DLGAP2: variants seen among roughly 807,000 people sequenced by gnomAD.
DLGAP2 encodes the protein DLG associated protein 2.
A neutral mutation model predicts 100.3 loss-of-function variants in DLGAP2; 26 were observed. The ratio of observed to expected loss-of-function variants is 0.26; its 90% CI spans 0.19 to 0.36. The LOEUF (loss-of-function observed/expected upper bound fraction) is 0.36. Ranked by LOEUF, DLGAP2 falls within the 10% of genes least tolerant of loss-of-function variation. The pLI is 1.00. For synonymous variants in DLGAP2, 886 were observed against 630.1 expected (o/e 1.41, Z -6.08); for missense variants, 1,858 against 1,453.2 (o/e 1.28, Z -4.53).
intron 3 of DLGAP2, among the ~76,000 whole-genome samples, chr8:1,386,288 C>T (rs1312123073): frequency 1.3e-5 from 2 of 152,090 alleles, no homozygotes; most frequent in South Asian, 2.1e-4. Context: ...GACCCAAAGT[C>T]GGTGAGATTA....
intron 2 of DLGAP2, among the ~76,000 whole-genome samples, chr8:1,116,463 T>G (rs62486823): frequency 0.033 from 4,960 of 152,306 alleles, 151 homozygotes; most frequent in Non-Finnish European, 0.045. Context: ...TTTCTTTATC[T>G]GTAAAGTGGG....
chr8:1,261,808 G>A (rs534816240), intron 3 of DLGAP2, among the ~76,000 whole-genome samples: 56 of 152,324 alleles, frequency 3.7e-4, no homozygotes, highest in African/African-American at 1.3e-3. Flanking sequence ...CTGGCTGGGC[G>A]CAGAGAGTGG....
intron 2 of DLGAP2, among the ~76,000 whole-genome samples, chr8:953,709 C>T (rs1048222672): frequency 4.6e-5 from 7 of 152,004 alleles, no homozygotes; most frequent in South Asian, 2.1e-4. Flanking sequence ...GTGGAGCTGA[C>T]GCTGTCACAG....
At chr8:822,025 T>TC in intron 1 of DLGAP2, 1 of 398,124 alleles carries the variant, frequency 2.5e-6, no homozygotes, top group East Asian at 3.6e-5. Context: ...TCCATTTTTT[T>TC]CCCCATAGGG....
At chr8:1,512,815 A>G (rs1326338835) in intron 4 of DLGAP2, among the ~76,000 whole-genome samples, 1 of 152,238 alleles carries the variant, frequency 6.6e-6, no homozygotes, top group African/African-American at 2.4e-5. Context: ...CATTTTCTAA[A>G]GACAGGTCAC....
At chr8:1,053,232 G>A (rs1802774035) in intron 2 of DLGAP2, among the ~76,000 whole-genome samples, 1 of 152,160 alleles carries the variant, frequency 6.6e-6, no homozygotes, top group Admixed American at 6.5e-5. Context: ...TCTCTCTCCT[G>A]GTGACTGGCC....
At chr8:1,665,799 T>C (rs1023305766) in intron 8 of DLGAP2, among the ~76,000 whole-genome samples, 2 of 152,196 alleles carry the variant, frequency 1.3e-5, no homozygotes, top group African/African-American at 2.4e-5. Context: ...TGATAAAGAT[T>C]CTGTTTTCTG....
intron 2 of DLGAP2, among the ~76,000 whole-genome samples, chr8:1,038,062 G>A (rs1170121120): frequency 1.3e-5 from 2 of 152,236 alleles, no homozygotes; most frequent in South Asian, 2.1e-4. Flanking sequence ...CCCCTTTGTC[G>A]TTGGTGTCCT....
intron 2 of DLGAP2, among the ~76,000 whole-genome samples, chr8:993,640 G>A (rs78935415): frequency 0.013 from 2,029 of 151,232 alleles, 41 homozygotes; most frequent in African/African-American, 0.047. Context: ...TGTATCAAGC[G>A]TCTCCTTCAT....
intron 2 of DLGAP2, among the ~76,000 whole-genome samples, chr8:989,844 C>G (rs548659448): frequency 2.5e-4 from 38 of 152,270 alleles, no homozygotes; most frequent in Non-Finnish European, 5.0e-4. Flanking sequence ...GAGGAAGTCT[C>G]TCATGACACC....
At chr8:1,229,855 CA>C (rs1234766864) in intron 2 of DLGAP2, among the ~76,000 whole-genome samples, 1 of 152,104 alleles carries the variant, frequency 6.6e-6, no homozygotes, top group Non-Finnish European at 1.5e-5. Context: ...AACTAGGCAT[CA>C]AAGGAACATA....
In DLGAP2 at chr8:1,159,518, T is replaced by A. The variant is rs374862058; in HGVS notation, c.74-99333T>A. ...ACTTGGTTTATGGAGACACTGGATT[T>A]TTAGTTATTAGAGTTTTTACTAAGA... On this transcript the variant is annotated intron_variant, in intron 2 of 14. Transcript: ENST00000637795. Among the ~76,000 whole-genome samples, 7 of 152,228 alleles carry A rather than the reference T, an allele frequency of 4.6e-5. No homozygotes were observed. In the East Asian group the frequency reaches 1.3e-3, roughly 29 times the overall value.
At chr8:828,121 G>A (rs1283168757) in intron 1 of DLGAP2, among the ~76,000 whole-genome samples, 2 of 152,162 alleles carry the variant, frequency 1.3e-5, no homozygotes, top group Non-Finnish European at 2.9e-5. Context: ...CCACAGGACC[G>A]AAGCGAAATT....
intron 12 of DLGAP2, among the ~76,000 whole-genome samples, chr8:1,685,663 G>T (rs1316599667): frequency 6.6e-6 from 1 of 151,928 alleles, no homozygotes; most frequent in African/African-American, 2.4e-5. Context: ...CACAGAATGG[G>T]AGAAAATGTC....
chr8:814,850 CAAAAAAAAAAAA>C (rs34412684), intron 1 of DLGAP2, among the ~76,000 whole-genome samples: 2 of 61,868 alleles, frequency 3.2e-5, no homozygotes, highest in East Asian at 5.0e-4. Flanking sequence ...GACTCCGTCT[CAAAAAAAAAAAA>C]AAAAAAAAAA....
rs7830846 is a variant in DLGAP2 at position 1,341,771 on chromosome 8, C to G, written c.106+82888C>G. Among the ~76,000 whole-genome samples, 5 of 152,298 alleles carry G rather than the reference C, an allele frequency of 3.3e-5. No homozygotes were observed. In the South Asian group the frequency reaches 1.0e-3, roughly 32 times the overall value. On this transcript the variant is annotated intron_variant, in intron 3 of 14. Coordinates refer to ENST00000637795, the MANE Select transcript of DLGAP2 (RefSeq NM_001346810.2). ...TGTGCTAGCAGGTGTCATTTCCCAG[C>G]TGCAGTAGGAATGCTGTCCGCAGGG...
intron 2 of DLGAP2, among the ~76,000 whole-genome samples, chr8:1,113,037 C>A (rs918215846): frequency 6.6e-6 from 1 of 152,084 alleles, no homozygotes; most frequent in Non-Finnish European, 1.5e-5. Flanking sequence ...TATTTTTGGG[C>A]TGTCTATTCG....
At chr8:1,544,492 C>T (rs201877398) in intron 4 of DLGAP2, among the ~76,000 whole-genome samples, 2 of 152,102 alleles carry the variant, frequency 1.3e-5, no homozygotes, top group Admixed American at 6.5e-5. Flanking sequence ...GGGAAGTTCC[C>T]TCCAGTCCTA....
In DLGAP2 at chr8:958,876, T is replaced by C. The variant is rs1799657689; in HGVS notation, c.73+50910T>C. ...AGGAGACAGTTGCTCGGAAATCTTA[T>C]ACATACAAACTATGCAATGAGAACA... On this transcript the variant is annotated intron_variant, in intron 2 of 14. Coordinates refer to ENST00000637795, the MANE Select transcript of DLGAP2 (RefSeq NM_001346810.2). Among the ~76,000 whole-genome samples, 3 of 152,208 alleles carry C rather than the reference T, an allele frequency of 2.0e-5. No individual in the cohort carries two copies. The South Asian group carries it at 6.2e-4, about 31-fold the overall frequency.
Sources: allele counts gnomAD v4.1 joint callset (sites outside exome capture counted in the v4.1 genomes callset), GRCh38; gene constraint gnomAD v4.1.1; transcripts MANE v1.5; gene names NCBI Gene and HGNC (gene_info 2026-07-23, HGNC 2026-07-21).